Variants in MYL4 observed in about 807,000 individuals in gnomAD.
MYL4 encodes the protein myosin light chain 4.
Under a neutral mutation model 21.6 loss-of-function variants are expected in MYL4, and 16 were observed. That is an observed-to-expected ratio of 0.74 (90% CI 0.50 to 1.12). The LOEUF is 1.12. Among genes scored for constraint, MYL4 ranks in the 50% most tolerant of loss-of-function variants. The pLI is 0.00. For synonymous variants in MYL4, 82 were observed against 95.7 expected (o/e 0.86, Z 0.83); for missense variants, 249 against 252.9 (o/e 0.98, Z 0.11).
At chr17:47,226,916 A>G (rs2149051025), downstream of MYL4, among the ~76,000 whole-genome samples, 1 of 152,230 alleles carries the variant, frequency 6.6e-6, no homozygotes, top group Middle Eastern at 3.4e-3. Context: ...GTGCAGTGGC[A>G]CGATCTCAGC....
intron 3 of MYL4, 102 bp downstream of exon 3, chr17:47,220,155 C>T (rs990754345): frequency 6.0e-5 from 83 of 1,394,286 alleles, no homozygotes; most frequent in Non-Finnish European, 7.8e-5. Context: ...CTCTCTTCTC[C>T]TGCTTTAGCC....
upstream of MYL4, among the ~76,000 whole-genome samples, chr17:47,199,737 CTTTTTT>C (rs33975035): frequency 9.9e-6 from 1 of 101,276 alleles, no homozygotes; most frequent in African/African-American, 3.8e-5. Flanking sequence ...GTAGTAAAGT[CTTTTTT>C]TTTTTTTTTT....
chr17:47,199,151 G>T (rs1290448155), upstream of MYL4, among the ~76,000 whole-genome samples: 2 of 151,536 alleles, frequency 1.3e-5, no homozygotes, highest in Admixed American at 1.3e-4. Context: ...TGAGGCAGGA[G>T]AATGGTGTGA....
upstream of MYL4, among the ~76,000 whole-genome samples, chr17:47,195,923 C>G (rs140007539): frequency 2.6e-5 from 4 of 152,282 alleles, no homozygotes; most frequent in Non-Finnish European, 5.9e-5. Flanking sequence ...CTGCCTTGTT[C>G]CCTGTGTATT....
the MYL4 span, among the ~76,000 whole-genome samples, chr17:47,191,539 C>T: frequency 2.3e-4 from 35 of 152,238 alleles, no homozygotes; most frequent in East Asian, 1.2e-3. Context: ...GGCGCAATCT[C>T]GGCTGACTGC....
chr17:47,191,236 G>A, the MYL4 span, among the ~76,000 whole-genome samples: 1 of 152,138 alleles, frequency 6.6e-6, no homozygotes, highest in East Asian at 1.9e-4. Context: ...CACCACAAAG[G>A]GCGTGTGCCA....
chr17:47,222,721 AG>A (rs1448695349), intron 5 of MYL4, among the ~76,000 whole-genome samples: 1 of 152,032 alleles, frequency 6.6e-6, no homozygotes, highest in Non-Finnish European at 1.5e-5. Context: ...TTCTCATCTG[AG>A]GGATGGGGGT....
upstream of MYL4, among the ~76,000 whole-genome samples, chr17:47,206,163 A>G (rs1486415856): frequency 6.6e-6 from 1 of 152,180 alleles, no homozygotes; most frequent in African/African-American, 2.4e-5. Context: ...AAGTGGCAAA[A>G]CCAGGCTTCA....
intron 5 of MYL4, 25 bp from the exon 6 acceptor site, chr17:47,222,989 T>G: frequency 6.2e-7 from 1 of 1,614,120 alleles, no homozygotes; most frequent in Non-Finnish European, 8.5e-7. Context: ...AGCCACATGG[T>G]GGCTGATTTT....
downstream of MYL4, among the ~76,000 whole-genome samples, chr17:47,226,727 C>G (rs1473866418): frequency 6.6e-6 from 1 of 152,252 alleles, no homozygotes; most frequent in African/African-American, 2.4e-5. Context: ...GCTCCACAGT[C>G]CTCAGGGACC....
chr17:47,209,712 G>A (rs139965769), intron 1 of MYL4, 155 bp downstream of exon 1: 18 of 1,124,708 alleles, frequency 1.6e-5, no homozygotes, highest in Non-Finnish European at 2.3e-5. Context: ...TGGAGTGGGT[G>A]TTGGGGCTGA....
chr17:47,221,592 C>T, intron 3 of MYL4, 90 bp from the exon 4 acceptor site: 7 of 1,456,314 alleles, frequency 4.8e-6, no homozygotes, highest in Non-Finnish European at 6.5e-6. Context: ...TGGGTGCTGT[C>T]AGACTTGGGG....
chr17:47,222,007 T>C (rs1042631708), intron 4 of MYL4, 152 bp downstream of exon 4: 2 of 938,442 alleles, frequency 2.1e-6, no homozygotes, highest in African/African-American at 3.3e-5. Flanking sequence ...CTCCCTGGGC[T>C]CTGCAAGAAC....
At chr17:47,198,585 CTTTGTT>C (rs2064698004), upstream of MYL4, among the ~76,000 whole-genome samples, 1 of 152,144 alleles carries the variant, frequency 6.6e-6, no homozygotes, top group Non-Finnish European at 1.5e-5. Context: ...CTTGAATAGA[CTTTGTT>C]TTTGTTACAG....
upstream of MYL4, among the ~76,000 whole-genome samples, chr17:47,196,271 A>G (rs914907147): frequency 6.6e-6 from 1 of 152,198 alleles, no homozygotes; most frequent in Non-Finnish European, 1.5e-5. Flanking sequence ...CACAGGGAAA[A>G]GGCCAACATC....
the MYL4 span, among the ~76,000 whole-genome samples, chr17:47,189,968 A>G: frequency 6.6e-6 from 1 of 152,174 alleles, no homozygotes; most frequent in Non-Finnish European, 1.5e-5. Context: ...GGAAAGTTCT[A>G]TGGAAGGAAA....
upstream of MYL4, among the ~76,000 whole-genome samples, chr17:47,198,982 C>T (rs1363619153): frequency 6.6e-6 from 1 of 151,692 alleles, no homozygotes; most frequent in Non-Finnish European, 1.5e-5. Flanking sequence ...CACCTGTAAT[C>T]CCAGCACTTT....
chr17:47,203,525 T>G (rs1817187294), intron 1 of MYL4, among the ~76,000 whole-genome samples: 2 of 152,208 alleles, frequency 1.3e-5, no homozygotes, highest in Non-Finnish European at 1.5e-5. Flanking sequence ...TCTATTATAC[T>G]TTTTATAGTT....
Position 47,220,062 on chromosome 17 carries a change from G to A in MYL4, c.313+9G>A, listed in dbSNP as rs1418767431. ...CAAGCCCAAGCCTGAAGGTCAGTGC[G>A]GCTGCATGGCAGACCTCTCCCAGGG... On this transcript the variant is annotated intron_variant, in intron 3 of 6. Transcript: ENST00000393450. 2.8e-5 allele frequency: 45 copies of A among 1,605,192 alleles called. No homozygotes were observed. The highest frequency in any genetic ancestry group is 6.7e-5 in the Admixed American group (4 of 59,328).
Sources: gnomAD v4.1 joint callset for allele counts (sites outside exome capture counted in the v4.1 genomes callset) on GRCh38, gnomAD v4.1.1 for gene constraint, MANE v1.5 for transcripts, NCBI Gene and HGNC (gene_info 2026-07-23, HGNC 2026-07-21) for gene names.